The following PLCE1 variants were observed in gnomAD, a reference collection of about 807,000 sequenced individuals.
The protein encoded by PLCE1 is phospholipase C epsilon 1.
In PLCE1, 119 loss-of-function variants were observed where a neutral mutation model predicts 242.8. The observed-to-expected ratio is 0.49, with a 90% CI of 0.42 to 0.57. The LOEUF (loss-of-function observed/expected upper bound fraction) is 0.57, where lower values mean the gene tolerates loss of function less well. Among genes scored for constraint, PLCE1 ranks in the 20% least tolerant of loss-of-function variants. The pLI is 0.00. For missense variants in PLCE1, 2,441 were observed against 2,788.8 expected, an observed-to-expected ratio of 0.88 and a Z score of 2.81; for synonymous variants, 945 against 1,017.4, an observed-to-expected ratio of 0.93 and a Z score of 1.35.
At chr10:94,168,507 A>G (rs1207653967) in intron 3 of PLCE1, among the ~76,000 whole-genome samples, 1 of 152,136 alleles carries the variant, frequency 6.6e-6, no homozygotes, top group Non-Finnish European at 1.5e-5. Flanking sequence ...ATACTGAGAT[A>G]CATGCTTATA....
Position 94,016,851 on chromosome 10 carries a change from C to A in PLCE1, c.-364-13832C>A, listed in dbSNP as rs574808020. Among the ~76,000 whole-genome samples the A allele has an allele frequency of 5.3e-4, 81 of 151,710 alleles. No individual in the cohort carries two copies. The South Asian group carries it at 6.0e-3, about 11-fold the overall frequency. Reference sequence around the variant, plus strand: ...TAAAAAGTTAGTGTAGAGTATGGTACGGCACTTTGGCCAAAGCTTGCTTTG... The same window carrying A: ...TAAAAAGTTAGTGTAGAGTATGGTAAGGCACTTTGGCCAAAGCTTGCTTTG... On this transcript the variant is annotated intron_variant, in intron 1 of 32. Transcript: ENST00000371380.
At chr10:94,220,657 C>T (rs35815410) in intron 4 of PLCE1, among the ~76,000 whole-genome samples, 1 of 151,900 alleles carries the variant, frequency 6.6e-6, no homozygotes, top group East Asian at 1.9e-4. Context: ...TTCAGCATCT[C>T]TACAACAGTA....
chr10:94,070,613 G>T (rs1452123566), intron 2 of PLCE1, among the ~76,000 whole-genome samples: 1 of 152,102 alleles, frequency 6.6e-6, no homozygotes, highest in Non-Finnish European at 1.5e-5. Flanking sequence ...TGCCTTCAAG[G>T]CATTTTCAGC....
Position 93,998,043 on chromosome 10 carries a change from C to T in PLCE1, c.-365+3785C>T, listed in dbSNP as rs764748130. On this transcript the variant is annotated intron_variant, in intron 1 of 32. Coordinates refer to ENST00000371380, the MANE Select transcript of PLCE1 (RefSeq NM_016341.4). ...CTACCAGGATTGTAAGCCCTCCTGG[C>T]GTGTTTTTGGAGGGTCTGCATCAAT... is the stretch of plus-strand genomic sequence containing the variant. Among the ~76,000 whole-genome samples, 10 of 152,282 alleles carry T rather than the reference C, an allele frequency of 6.6e-5. No homozygotes were observed. In the East Asian group the frequency reaches 1.5e-3, roughly 24 times the overall value.
rs1564905210 is a variant in PLCE1, at chr10:94,329,801, A to AAAAC, written c.*1861_*1862insCAAA. The AAAAC allele has an allele frequency of 2.0e-5, 3 of 148,248 alleles. No individual in the cohort carries two copies. Among genetic ancestry groups the AAAAC allele is most frequent in the Non-Finnish European group, 4.5e-5 (3 of 66,972 alleles). 9.2% of individuals were successfully genotyped at this position (148,248 alleles called of 1,614,324 possible). A position where few individuals can be genotyped will look rare whatever the true frequency, so the allele number is the denominator to read the frequency against. ...CAAAAAAAAAAAAAAAAAAAAAAAA[A>AAAAC]AAAAAAAAAACACCATACAGCTTTC... is the stretch of plus-strand genomic sequence containing the variant. On this transcript the variant is annotated 3_prime_UTR_variant, in exon 33 of 33. Coordinates refer to ENST00000371380, the MANE Select transcript of PLCE1 (RefSeq NM_016341.4).
intron 9 of PLCE1, 152 bp from the exon 10 acceptor site, chr10:94,254,038 A>T: frequency 8.2e-6 from 6 of 730,848 alleles, no homozygotes; most frequent in Non-Finnish European, 1.5e-5. Flanking sequence ...ACATGAGAAT[A>T]CTCGGTCAGC....
intron 7 of PLCE1, among the ~76,000 whole-genome samples, chr10:94,237,544 C>G (rs893009595): frequency 3.3e-5 from 5 of 152,186 alleles, no homozygotes; most frequent in Admixed American, 6.5e-5. Flanking sequence ...TTTCCAAGCC[C>G]TGCTGCAAGC....
intron 4 of PLCE1, among the ~76,000 whole-genome samples, chr10:94,171,955 G>A (rs2047995262): frequency 6.6e-6 from 1 of 152,110 alleles, no homozygotes; most frequent in Non-Finnish European, 1.5e-5. Flanking sequence ...CACCAGAGAA[G>A]GCAGGAAACG....
Position 94,313,248 on chromosome 10 carries a change from T to C in PLCE1, c.6004-6T>C. On this transcript the variant is annotated splice_region_variant and splice_polypyrimidine_tract_variant and intron_variant, in intron 27 of 32. Transcript: ENST00000371380. ...TGAATGATCAGCCATGTGATCTTCT[T>C]GACAGATGTTTAATACAGAAGAAAG... 6.2e-7 allele frequency: 1 copy of C among 1,613,968 alleles called. No homozygotes were observed. The highest frequency in any genetic ancestry group is 8.5e-7 in the Non-Finnish European group (1 of 1,179,920).
intron 1 of PLCE1, among the ~76,000 whole-genome samples, chr10:94,001,172 A>G (rs2060923796): frequency 6.6e-6 from 1 of 152,188 alleles, no homozygotes; most frequent in South Asian, 2.1e-4. Flanking sequence ...ATAAAACAAA[A>G]CATAGATAGG....
chr10:94,273,479 TCTA>T, intron 18 of PLCE1, 80 bp from the exon 19 acceptor site: 6 of 1,298,354 alleles, frequency 4.6e-6, no homozygotes, highest in Non-Finnish European at 6.6e-6. Flanking sequence ...GTCTAAAATA[TCTA>T]CTATGTTTAT....
rs2045432991 is a variant in PLCE1 at position 94,099,350 on chromosome 10, C to G, written c.1207-32824C>G. Among the ~76,000 whole-genome samples, 3 of 152,308 alleles carry G rather than the reference C, an allele frequency of 2.0e-5. No homozygotes were observed. In the South Asian group the frequency reaches 6.2e-4, roughly 32 times the overall value. On this transcript the variant is annotated intron_variant, in intron 2 of 32. Coordinates refer to ENST00000371380, the MANE Select transcript of PLCE1 (RefSeq NM_016341.4). ...CTTTACTCCATGCCAGTCCTGTGCTCAGTACTTCATACACATTACCTCATT... is the reference window on the plus strand; with the variant it reads ...CTTTACTCCATGCCAGTCCTGTGCTGAGTACTTCATACACATTACCTCATT...
At chr10:94,255,919 C>CTCTCTCTG (rs2051068480) in intron 11 of PLCE1, among the ~76,000 whole-genome samples, 1 of 46,298 alleles carries the variant, frequency 2.2e-5, no homozygotes, top group Non-Finnish European at 4.5e-5. Context: ...CACACACTCT[C>CTCTCTCTG]TCTCTCTCTC....
chr10:94,134,529 C>T (rs1292348780), intron 3 of PLCE1, among the ~76,000 whole-genome samples: 1 of 152,208 alleles, frequency 6.6e-6, no homozygotes, highest in Non-Finnish European at 1.5e-5. Flanking sequence ...GTTAGCTCAA[C>T]TGAACCATTC....
At chr10:94,284,517 T>C (rs1017624095) in intron 21 of PLCE1, among the ~76,000 whole-genome samples, 8 of 152,198 alleles carry the variant, frequency 5.3e-5, no homozygotes, top group African/African-American at 1.9e-4. Context: ...AGTGACATTG[T>C]TGGACAATGG....
intron 4 of PLCE1, among the ~76,000 whole-genome samples, chr10:94,177,840 A>C (rs1203497025): frequency 3.9e-5 from 6 of 152,226 alleles, no homozygotes; most frequent in Non-Finnish European, 5.9e-5. Flanking sequence ...TAGTGCATGC[A>C]GGTGAAAAGA....
At chr10:94,063,018 G>A (rs2044101555) in intron 2 of PLCE1, among the ~76,000 whole-genome samples, 1 of 152,068 alleles carries the variant, frequency 6.6e-6, no homozygotes, top group Non-Finnish European at 1.5e-5. Context: ...TGGTCTCCAT[G>A]TCCAAGCCTC....
rs75724592 is a variant in PLCE1 at position 94,178,037 on chromosome 10, A to G, written c.1809+6541A>G. On this transcript the variant is annotated intron_variant, in intron 4 of 32. Coordinates refer to ENST00000371380, the MANE Select transcript of PLCE1 (RefSeq NM_016341.4). ...TTTGCTCTTGTTGTGTTGTTCACCAATGATGATTTTGGGGGTTGGAACCCT... is the reference window on the plus strand; with the variant it reads ...TTTGCTCTTGTTGTGTTGTTCACCAGTGATGATTTTGGGGGTTGGAACCCT... 9.1e-3 allele frequency among the ~76,000 whole-genome samples: 1,389 copies of G among 152,294 alleles called. 20 individuals carry two copies. Among genetic ancestry groups the G allele is most frequent in the East Asian group, 0.076 (393 of 5,178 alleles).
At chr10:94,135,858 T>C (rs2046754538) in intron 3 of PLCE1, among the ~76,000 whole-genome samples, 1 of 152,210 alleles carries the variant, frequency 6.6e-6, no homozygotes, top group Non-Finnish European at 1.5e-5. Context: ...AGATTTTAGA[T>C]GTTGGCAGCT....
Sources: allele counts gnomAD v4.1 joint callset (sites outside exome capture counted in the v4.1 genomes callset), GRCh38; gene constraint gnomAD v4.1.1; transcripts MANE v1.5; gene names NCBI Gene and HGNC (gene_info 2026-07-23, HGNC 2026-07-21).